KAT6B: variants seen among roughly 807,000 people sequenced by gnomAD.
KAT6B encodes lysine acetyltransferase 6B.
A neutral mutation model predicts 187.5 loss-of-function variants in KAT6B; 10 were observed. That is an observed-to-expected ratio of 0.05 (90% CI 0.03 to 0.09). The LOEUF is 0.09. Ranked by LOEUF, KAT6B falls within the 10% of genes least tolerant of loss-of-function variation. The probability of loss-of-function intolerance (pLI) is 1.00; values close to 1 mark genes in which losing one functional copy is unlikely to be tolerated. For missense variants in KAT6B, 1,952 were observed against 2,558.9 expected (o/e 0.76, Z 5.12); for synonymous variants, 861 against 926.8 (o/e 0.93, Z 1.29).
At chr10:74,911,434 T>G (rs1221135939) in intron 3 of KAT6B, among the ~76,000 whole-genome samples, 2 of 151,926 alleles carry the variant, frequency 1.3e-5, no homozygotes, top group African/African-American at 4.8e-5. Context: ...GCCTGGCTAA[T>G]TTTTTGTATT....
chr10:74,842,750 C>A lies in KAT6B; in HGVS notation c.-108C>A. ...ATGTTGCTTAATACAGTCTGGAATA[C>A]TCTGTCCATTTGTTGAATTGTAAAT... On this transcript the variant is annotated 5_prime_UTR_variant, in exon 3 of 18. Transcript: ENST00000287239. The A allele has an allele frequency of 8.2e-7, 1 of 1,214,730 alleles. No individual in the cohort carries two copies. The highest frequency in any genetic ancestry group is 1.2e-6 in the Non-Finnish European group (1 of 827,156). The allele number at this position is 1,214,730 out of a possible 1,614,324, so 75.2% of individuals were successfully genotyped here. A position where few individuals can be genotyped will look rare whatever the true frequency, so the allele number is the denominator to read the frequency against.
chr10:74,843,795 T>C (rs1841915322), intron 3 of KAT6B, among the ~76,000 whole-genome samples: 2 of 152,230 alleles, frequency 1.3e-5, no homozygotes, highest in South Asian at 4.1e-4. Flanking sequence ...CATATATATT[T>C]CAGAAATCTA....
chr10:74,896,715 G>T (rs532522661), intron 3 of KAT6B, among the ~76,000 whole-genome samples: 3 of 152,216 alleles, frequency 2.0e-5, no homozygotes, highest in Non-Finnish European at 4.4e-5. Context: ...TATCTGCTAA[G>T]ATTTTGGCAG....
At chr10:74,956,785 AG>A (rs1409918401) in intron 3 of KAT6B, among the ~76,000 whole-genome samples, 7 of 152,240 alleles carry the variant, frequency 4.6e-5, no homozygotes, top group African/African-American at 1.7e-4. Flanking sequence ...CAGCTGCCCC[AG>A]GGCCATTGCA....
intron 3 of KAT6B, among the ~76,000 whole-genome samples, chr10:74,864,918 A>T (rs769053983): frequency 6.6e-6 from 1 of 152,230 alleles, no homozygotes; most frequent in Non-Finnish European, 1.5e-5. Flanking sequence ...ACCTACGTTT[A>T]TGTATTTCTT....
chr10:74,860,866 A>C (rs183261726), intron 3 of KAT6B, among the ~76,000 whole-genome samples: 1 of 152,078 alleles, frequency 6.6e-6, no homozygotes, highest in Non-Finnish European at 1.5e-5. Flanking sequence ...GGCCAGGCGC[A>C]GTGGCTCACA....
At chr10:74,966,667 C>G (rs1166478931) in intron 4 of KAT6B, among the ~76,000 whole-genome samples, 4 of 152,114 alleles carry the variant, frequency 2.6e-5, no homozygotes, top group African/African-American at 9.7e-5. Context: ...TTGCAAAATA[C>G]AATAGTAAAA....
intron 13 of KAT6B, among the ~76,000 whole-genome samples, chr10:75,016,691 T>C (rs989547734): frequency 6.6e-6 from 1 of 152,210 alleles, no homozygotes; most frequent in African/African-American, 2.4e-5. Context: ...CATCACTTTG[T>C]TTTCCATCTG....
At chr10:74,831,656 A>G (rs545196876) in intron 1 of KAT6B, among the ~76,000 whole-genome samples, 1 of 152,336 alleles carries the variant, frequency 6.6e-6, no homozygotes, top group Admixed American at 6.5e-5. Flanking sequence ...ATTAGATTTT[A>G]CAGGTCTCCA....
rs79365727 is a variant in KAT6B, at chr10:75,001,458, T to C, written c.2629+12346T>C. On this transcript the variant is annotated intron_variant, in intron 13 of 17. Transcript: ENST00000287239. ...TTCATTTCTACCCAGGGGGGTATCA[T>C]GTCAGGAGGCTAATCATATCCACTC... Among the ~76,000 whole-genome samples the C allele has an allele frequency of 3.6e-3, 539 of 150,840 alleles. 1 individual carries two copies. The highest frequency in any genetic ancestry group is 5.8e-3 in the Non-Finnish European group (397 of 68,006).
Position 75,029,370 on chromosome 10 carries a change from G to A in KAT6B, c.4546G>A (p.Asp1516Asn). 1 of 1,614,106 alleles carries A rather than the reference G, an allele frequency of 6.2e-7. No homozygotes were observed. The highest frequency in any genetic ancestry group is 8.5e-7 in the Non-Finnish European group (1 of 1,180,016). The change falls in exon 18 of 18, where the codon GAC becomes AAC. Residue 1516 changes from aspartate (D) to asparagine (N), a missense_variant. This residue lies in a region of KAT6B where 758 missense variants were observed against 891.4 expected (regional missense o/e 0.85). Transcript: ENST00000287239. This position sits in a 1 kb window ranked among gnomAD's most constrained non-coding sequence, Gnocchi z 6.2. ...CCCAGGAGAACAGGCACAGAAGCAG[G>A]ACCAAAAGAACAGCAAGGAAGTCGA... ...PPPGEQAQKQ[D>N]QKNSKEVDTE...
At position 74,975,730 on chromosome 10, in the gene KAT6B, AG is replaced by A; in HGVS notation, c.1395del (p.Lys467ArgfsTer21). On this transcript the variant is annotated frameshift_variant, in exon 8 of 18. Transcript: ENST00000287239. LOFTEE classifies it high-confidence loss of function. Reference protein sequence around the residue: ...IIDFSKHYRPRKKVSQKQSCT... With the variant: ...IIDFSKHYRPXKKVSQKQSCT... ...AGACTTTTCAAAGCACTATCGTCCA[AG>A]GAAAAAGGTCTCTCAGAAACAGTCA... 1 of 1,614,222 alleles carries A rather than the reference AG, an allele frequency of 6.2e-7. No homozygotes were observed. The highest frequency in any genetic ancestry group is 8.5e-7 in the Non-Finnish European group (1 of 1,180,038).
chr10:74,926,014 A>G, intron 3 of KAT6B, among the ~76,000 whole-genome samples: 1 of 152,246 alleles, frequency 6.6e-6, no homozygotes, highest in Non-Finnish European at 1.5e-5. Flanking sequence ...ATGCACAGGA[A>G]CAGTGACTGT....
chr10:74,959,120 G>A (rs549034326), intron 3 of KAT6B, among the ~76,000 whole-genome samples: 5 of 152,240 alleles, frequency 3.3e-5, no homozygotes, highest in Admixed American at 1.3e-4. Flanking sequence ...TTGGTATGGT[G>A]TGGTTTACTT....
chr10:74,920,953 G>T lies in KAT6B; in HGVS notation c.622-39017G>T, dbSNP rs954581260. 3.9e-5 allele frequency among the ~76,000 whole-genome samples: 6 copies of T among 152,022 alleles called. No individual in the cohort carries two copies. In the East Asian group the frequency reaches 1.2e-3, roughly 29 times the overall value. On this transcript the variant is annotated intron_variant, in intron 3 of 17. Transcript: ENST00000287239. ...ATATTAATTTGTGTGTACTCTAAAA[G>T]GAAAGATTATTTGGCTTGCTCATAA...
At chr10:74,918,065 G>C (rs1847833218) in intron 3 of KAT6B, among the ~76,000 whole-genome samples, 1 of 152,062 alleles carries the variant, frequency 6.6e-6, no homozygotes, top group Admixed American at 6.6e-5. Flanking sequence ...TGTAATCAGT[G>C]TTTCTAGTTT....
At chr10:74,999,901 G>GT (rs1199258511) in intron 13 of KAT6B, among the ~76,000 whole-genome samples, 3 of 152,220 alleles carry the variant, frequency 2.0e-5, no homozygotes, top group African/African-American at 4.8e-5. Context: ...TTGGTTGGGC[G>GT]TAGCGTCTCA....
At chr10:74,918,846 T>C (rs1439885697) in intron 3 of KAT6B, among the ~76,000 whole-genome samples, 2 of 152,342 alleles carry the variant, frequency 1.3e-5, no homozygotes, top group African/African-American at 2.4e-5. Flanking sequence ...TTAGAACACA[T>C]TGAAGATATT....
chr10:74,946,976 A>C (rs560002341), intron 3 of KAT6B, among the ~76,000 whole-genome samples: 4 of 152,144 alleles, frequency 2.6e-5, no homozygotes, highest in African/African-American at 9.7e-5. Flanking sequence ...ATTTTGCCAC[A>C]ATTGAAAAAA....
Sources: allele counts gnomAD v4.1 joint callset (sites outside exome capture counted in the v4.1 genomes callset), GRCh38; gene constraint gnomAD v4.1.1; regional missense constraint gnomAD v4.1.1; non-coding constraint Gnocchi (gnomAD v3.1); transcripts MANE v1.5; gene names NCBI Gene and HGNC (gene_info 2026-07-23, HGNC 2026-07-21).